TBCD: variants seen among roughly 807,000 people sequenced by gnomAD.
TBCD encodes tubulin-specific chaperone D.
TBCD carries 105 observed loss-of-function variants against 169.3 expected under a neutral mutation model. The ratio of observed to expected loss-of-function variants is 0.62; its 90% CI spans 0.53 to 0.73. TBCD has a LOEUF of 0.73. Among genes scored for constraint, TBCD ranks in the 30% least tolerant of loss-of-function variants. The pLI, the probability that TBCD is intolerant of heterozygous loss-of-function variation, is 0.00. For missense variants in TBCD, 1,444 were observed against 1,600.1 expected (o/e 0.90, Z 1.66); for synonymous variants, 700 against 643.9 (o/e 1.09, Z -1.32).
At chr17:82,875,427 C>T (rs774259274) in intron 14 of TBCD, among the ~76,000 whole-genome samples, 1 of 152,182 alleles carries the variant, frequency 6.6e-6, no homozygotes, top group Non-Finnish European at 1.5e-5. Flanking sequence ...AAAAGAAAGC[C>T]GAGCCCTACG....
chr17:82,859,424 C>T (rs2056583388), intron 13 of TBCD, among the ~76,000 whole-genome samples: 1 of 122,862 alleles, frequency 8.1e-6, no homozygotes, highest in African/African-American at 2.7e-5. Flanking sequence ...CCCGCACTGG[C>T]TTTCAGGGAA....
Position 82,753,003 on chromosome 17 carries a change from A to T in TBCD, c.184+626A>T, listed in dbSNP as rs1259449826. ...TAGGTACCCCTGTGGAGGCCATTCG[A>T]TGAGTCTAAATTCTCCGAGTTCAGA... On this transcript the variant is annotated intron_variant, in intron 1 of 38. Coordinates refer to ENST00000355528, the MANE Select transcript of TBCD (RefSeq NM_005993.5). 2.6e-5 allele frequency among the ~76,000 whole-genome samples: 4 copies of T among 152,172 alleles called. No homozygotes were observed. In the East Asian group the frequency reaches 7.7e-4, roughly 29 times the overall value.
intron 14 of TBCD, 54 bp downstream of exon 14, chr17:82,870,434 T>G: frequency 1.9e-6 from 3 of 1,576,464 alleles, no homozygotes; most frequent in Non-Finnish European, 2.6e-6. Flanking sequence ...GACGGCGCCG[T>G]GTGTCGTTTC....
At chr17:82,801,837 G>A (rs1489744273) in intron 9 of TBCD, among the ~76,000 whole-genome samples, 13 of 146,984 alleles carry the variant, frequency 8.8e-5, no homozygotes, top group South Asian at 2.2e-4. Context: ...CGTGTGCGTC[G>A]TGTGGTTCGG....
At chr17:82,776,981 G>A (rs971495481) in intron 6 of TBCD, among the ~76,000 whole-genome samples, 7 of 152,160 alleles carry the variant, frequency 4.6e-5, no homozygotes, top group African/African-American at 1.7e-4. Flanking sequence ...GCTCCTTGGG[G>A]CCTTTTCTTC....
chr17:82,807,783 C>T, intron 11 of TBCD, 115 bp downstream of exon 11: 1 of 726,396 alleles, frequency 1.4e-6, no homozygotes, highest in Non-Finnish European at 2.0e-6. Flanking sequence ...CCTCCTCGGC[C>T]CCCTCCAACT....
intron 13 of TBCD, among the ~76,000 whole-genome samples, chr17:82,838,388 T>C (rs79868724): frequency 0.027 from 4,175 of 152,238 alleles, 214 homozygotes; most frequent in African/African-American, 0.094. Context: ...TTTAACTTTA[T>C]GGGACGTTTC....
In TBCD at chr17:82,885,879, T is replaced by G. The variant is rs574820950; in HGVS notation, c.1533+1677T>G. 2.0e-5 allele frequency among the ~76,000 whole-genome samples: 3 copies of G among 152,278 alleles called. No individual in the cohort carries two copies. The East Asian group carries it at 5.8e-4, about 29-fold the overall frequency. ...AAAACAGCCAAAGGTAAAAGACACC[T>G]TTTTGAAGCTTAGTTGGAAATGTGA... On this transcript the variant is annotated intron_variant, in intron 15 of 38. Coordinates refer to ENST00000355528, the MANE Select transcript of TBCD (RefSeq NM_005993.5).
intron 5 of TBCD, 76 bp from the exon 6 acceptor site, chr17:82,772,376 G>T: frequency 6.8e-7 from 1 of 1,467,758 alleles, no homozygotes; most frequent in South Asian, 1.1e-5. Flanking sequence ...GTGAGGGTGG[G>T]ACTGGTGACT....
At chr17:82,755,111 G>T (rs918190027) in intron 1 of TBCD, among the ~76,000 whole-genome samples, 2 of 152,228 alleles carry the variant, frequency 1.3e-5, no homozygotes, top group African/African-American at 4.8e-5. Context: ...TCTTGGGTGG[G>T]AGGGCGTCCA....
At chr17:82,928,117 C>G in intron 30 of TBCD, 129 bp downstream of exon 30, 5 of 783,266 alleles carry the variant, frequency 6.4e-6, no homozygotes, top group Non-Finnish European at 1.0e-5. Context: ...TCCCAGAGAG[C>G]CTCTCTGGTC....
chr17:82,869,161 C>T (rs547705093), intron 13 of TBCD, among the ~76,000 whole-genome samples: 1 of 152,196 alleles, frequency 6.6e-6, no homozygotes, highest in South Asian at 2.1e-4. Flanking sequence ...AGCTGTGTTC[C>T]GTTTTCTTTG....
intron 15 of TBCD, among the ~76,000 whole-genome samples, chr17:82,886,934 G>T (rs1318220762): frequency 1.3e-5 from 2 of 151,634 alleles, no homozygotes; most frequent in Non-Finnish European, 2.9e-5. Context: ...CTCCCAAAGT[G>T]CTGGGATTAC....
chr17:82,762,670 A>T (rs2047826971), intron 2 of TBCD, among the ~76,000 whole-genome samples: 1 of 151,992 alleles, frequency 6.6e-6, no homozygotes. Flanking sequence ...AATTACTTGA[A>T]TGTGGGAGGC....
At position 82,930,066 on chromosome 17, in the gene TBCD, G is replaced by A. The variant is rs1568077135; in HGVS notation, c.2992-456G>A. 1.1e-5 allele frequency: 3 copies of A among 261,672 alleles called. No homozygotes were observed. Among genetic ancestry groups the A allele is most frequent in the Admixed American group, 5.1e-5 (1 of 19,708 alleles). 16.2% of individuals were successfully genotyped at this position (261,672 alleles called of 1,614,324 possible). On this transcript the variant is annotated intron_variant, in intron 32 of 38. Coordinates refer to ENST00000355528, the MANE Select transcript of TBCD (RefSeq NM_005993.5). This position sits in a 1 kb window ranked among gnomAD's most constrained non-coding sequence, Gnocchi z 5.2. Reference sequence around the variant, plus strand: ...TAACAGGACGTGAGGTGCCCTCTGCGCCGTGTGGGCGCGTGCGGGGAGACC... The same window carrying A: ...TAACAGGACGTGAGGTGCCCTCTGCACCGTGTGGGCGCGTGCGGGGAGACC...
chr17:82,803,132 ACGCTCT>A (rs1052232437), intron 9 of TBCD, among the ~76,000 whole-genome samples: 3 of 152,164 alleles, frequency 2.0e-5, no homozygotes, highest in African/African-American at 7.2e-5. Flanking sequence ...GGACGGACTT[ACGCTCT>A]GACGGGCTGT....
intron 13 of TBCD, among the ~76,000 whole-genome samples, chr17:82,868,015 C>T (rs1309849300): frequency 6.6e-6 from 1 of 152,266 alleles, no homozygotes; most frequent in Non-Finnish European, 1.5e-5. Context: ...CGTGTGTGGC[C>T]GTGCAGGGCC....
chr17:82,823,606 C>T (rs781471379), intron 13 of TBCD, among the ~76,000 whole-genome samples: 1 of 152,010 alleles, frequency 6.6e-6, no homozygotes, highest in Non-Finnish European at 1.5e-5. Context: ...GCAGTGGGCC[C>T]CCGTTAAGAC....
chr17:82,807,135 C>T (rs1042461155), intron 10 of TBCD, among the ~76,000 whole-genome samples: 7 of 152,242 alleles, frequency 4.6e-5, no homozygotes, highest in East Asian at 1.9e-4. Context: ...GGGCCCTCAC[C>T]GTGTGACCTG....
Sources: gnomAD v4.1 joint callset for allele counts (sites outside exome capture counted in the v4.1 genomes callset) on GRCh38, gnomAD v4.1.1 for gene constraint, Gnocchi (gnomAD v3.1) non-coding constraint, MANE v1.5 for transcripts, NCBI Gene and HGNC (gene_info 2026-07-23, HGNC 2026-07-21) for gene names.